The following CLASP1 variants were observed in gnomAD, a reference collection of about 807,000 sequenced individuals.
The protein encoded by CLASP1 is cytoplasmic linker associated protein 1, also known as CLIP-associating protein 1.
Under a neutral mutation model 192.3 loss-of-function variants are expected in CLASP1, and 38 were observed. That is an observed-to-expected ratio of 0.20 (90% confidence interval 0.15 to 0.26). The LOEUF (loss-of-function observed/expected upper bound fraction) is 0.26, where lower values mean the gene tolerates loss of function less well. CLASP1 is among the 10% of genes least tolerant of loss of function. CLASP1 has a pLI of 1.00. For missense variants in CLASP1, 1,433 were observed against 1,932.5 expected, an observed-to-expected ratio of 0.74 and a Z score of 4.85; for synonymous variants, 691 against 712.8, an observed-to-expected ratio of 0.97 and a Z score of 0.49.
intron 1 of CLASP1, among the ~76,000 whole-genome samples, chr2:121,639,909 A>T (rs2071704928): frequency 6.6e-6 from 1 of 151,942 alleles, no homozygotes; most frequent in Non-Finnish European, 1.5e-5. Context: ...TACTATAAAG[A>T]CACATGCACA....
At chr2:121,629,415 T>A (rs1341624922) in intron 1 of CLASP1, among the ~76,000 whole-genome samples, 1 of 150,704 alleles carries the variant, frequency 6.6e-6, no homozygotes, top group Non-Finnish European at 1.5e-5. Context: ...AAATAAAAAA[T>A]AAATAAATAA....
At chr2:121,365,250 A>G in exon 36 of CLASP1, 1 of 1,613,540 alleles carries the variant, frequency 6.2e-7, no homozygotes, top group South Asian at 1.1e-5. Context: ...GCTCTTTCAG[A>G]AGGTCAGCCA....
intron 2 of CLASP1, among the ~76,000 whole-genome samples, chr2:121,558,269 A>G (rs185827765): frequency 1.3e-4 from 20 of 152,276 alleles, no homozygotes; most frequent in Non-Finnish European, 2.6e-4. Context: ...CCTGTCCCTC[A>G]TAGAAACCAC....
chr2:121,363,391 A>G, intron 36 of CLASP1, 91 bp from the exon 38 acceptor site: 1 of 1,519,444 alleles, frequency 6.6e-7, no homozygotes, highest in Non-Finnish European at 8.9e-7. Flanking sequence ...CCAAGCACCC[A>G]GTTCTGGGTT....
intron 6 of CLASP1, among the ~76,000 whole-genome samples, chr2:121,522,122 G>GT (rs2094472074): frequency 6.6e-6 from 1 of 152,196 alleles, no homozygotes; most frequent in African/African-American, 2.4e-5. Flanking sequence ...GTATGTCTGT[G>GT]TATGTGTGTG....
chr2:121,524,615 C>A (rs1274694998), intron 6 of CLASP1, among the ~76,000 whole-genome samples: 1 of 152,054 alleles, frequency 6.6e-6, no homozygotes, highest in Non-Finnish European at 1.5e-5. Context: ...CGCCACCATG[C>A]CTGGCTAATT....
At chr2:121,427,541 A>G in intron 20 of CLASP1, 111 bp from the exon 21 acceptor site, 2 of 1,118,430 alleles carry the variant, frequency 1.8e-6, no homozygotes, top group East Asian at 5.0e-5. Context: ...TCACAAATAC[A>G]TTAGCAAAAC....
chr2:121,621,968 C>G (rs1187449950), intron 1 of CLASP1, among the ~76,000 whole-genome samples: 2 of 152,122 alleles, frequency 1.3e-5, no homozygotes, highest in Non-Finnish European at 2.9e-5. Context: ...CTGCCTCAGC[C>G]TCCCAACCAG....
At chr2:121,598,113 T>C (rs1376820132) in intron 2 of CLASP1, among the ~76,000 whole-genome samples, 1 of 152,232 alleles carries the variant, frequency 6.6e-6, no homozygotes, top group African/African-American at 2.4e-5. Context: ...ATTTAATGTC[T>C]CCTTCCAGGA....
chr2:121,585,141 G>A (rs1381376584), intron 2 of CLASP1, among the ~76,000 whole-genome samples: 2 of 152,198 alleles, frequency 1.3e-5, no homozygotes, highest in Non-Finnish European at 2.9e-5. Flanking sequence ...GTGACGGAAG[G>A]TCTAAAGGGA....
In CLASP1 at chr2:121,483,422, G is replaced by C. The variant is rs943997990; in HGVS notation, c.713-13462C>G. On this transcript the variant is annotated intron_variant, in intron 8 of 39. Coordinates refer to ENST00000263710, the Ensembl canonical transcript of CLASP1. ...AAGGTTTTTCCTAGCAAATATCTGAGAGAGAGAGAGAAAGAGGGAGAATAT... is the reference window on the plus strand; with the variant it reads ...AAGGTTTTTCCTAGCAAATATCTGACAGAGAGAGAGAAAGAGGGAGAATAT... Among the ~76,000 whole-genome samples the C allele has an allele frequency of 2.0e-5, 3 of 151,836 alleles. No individual in the cohort carries two copies. The South Asian group carries it at 6.2e-4, about 32-fold the overall frequency.
intron 2 of CLASP1, among the ~76,000 whole-genome samples, chr2:121,552,405 A>G (rs867081573): frequency 6.6e-6 from 1 of 152,220 alleles, no homozygotes; most frequent in Non-Finnish European, 1.5e-5. Context: ...TAAATAGACA[A>G]CCTACAGAAT....
intron 20 of CLASP1, among the ~76,000 whole-genome samples, chr2:121,427,923 C>T (rs2080724457): frequency 6.6e-6 from 1 of 152,142 alleles, no homozygotes; most frequent in African/African-American, 2.4e-5. Context: ...TAAATCAGGA[C>T]TATGAATACT....
intron 2 of CLASP1, among the ~76,000 whole-genome samples, chr2:121,582,243 G>A (rs568074012): frequency 6.6e-6 from 1 of 150,642 alleles, no homozygotes; most frequent in South Asian, 2.1e-4. Context: ...GGGAGGGAAG[G>A]AGGACAGGAC....
chr2:121,610,905 G>A (rs2105968839), intron 1 of CLASP1, among the ~76,000 whole-genome samples: 1 of 146,346 alleles, frequency 6.8e-6, no homozygotes, highest in African/African-American at 2.5e-5. Flanking sequence ...AGTTACAGGA[G>A]GAAGAGGAAC....
chr2:121,551,596 A>G (rs906182202), intron 2 of CLASP1, among the ~76,000 whole-genome samples: 4 of 152,212 alleles, frequency 2.6e-5, no homozygotes, highest in African/African-American at 9.6e-5. Context: ...ACACCCATTC[A>G]CAATTGCCAC....
chr2:121,424,702 A>G (rs888273076), intron 22 of CLASP1, among the ~76,000 whole-genome samples: 2 of 152,230 alleles, frequency 1.3e-5, no homozygotes, highest in African/African-American at 4.8e-5. Context: ...TTTTTTCACC[A>G]TAAGTTTCAC....
chr2:121,407,642 C>T, exon 25 of CLASP1: 1 of 1,614,000 alleles, frequency 6.2e-7, no homozygotes, highest in Non-Finnish European at 8.5e-7. Flanking sequence ...AGAGCAAACA[C>T]TTGAGGCATC....
chr2:121,382,415 T>C lies in CLASP1; in HGVS notation c.3375-91A>G, dbSNP rs1347598140. ...AAGCACTACACACTAAGTGTCTTAG[T>C]CTCTTCTTTCCTTGACAAAGTTCTA... On this transcript the variant is annotated intron_variant, in intron 32 of 39. Coordinates refer to ENST00000263710, the Ensembl canonical transcript of CLASP1. 4.0e-6 allele frequency: 3 copies of C among 744,850 alleles called. No homozygotes were observed. The Admixed American group carries it at 9.6e-5, about 24-fold the overall frequency. 46.1% of individuals were successfully genotyped at this position (744,850 alleles called of 1,614,324 possible). A position where few individuals can be genotyped will look rare whatever the true frequency, so the allele number is the denominator to read the frequency against.
Sources: allele counts gnomAD v4.1 joint callset (sites outside exome capture counted in the v4.1 genomes callset), GRCh38; gene constraint gnomAD v4.1.1; transcripts MANE v1.5; gene names NCBI Gene and HGNC (gene_info 2026-07-23, HGNC 2026-07-21).